The following USP24 variants were observed in gnomAD, a reference collection of about 807,000 sequenced individuals.
USP24 encodes ubiquitin carboxyl-terminal hydrolase 24.
Under a neutral mutation model 361.6 loss-of-function variants are expected in USP24, and 97 were observed. That is an observed-to-expected ratio of 0.27 (90% CI 0.23 to 0.32). The LOEUF (loss-of-function observed/expected upper bound fraction) is 0.32, where lower values mean the gene tolerates loss of function less well. USP24 is among the 10% of genes least tolerant of loss of function. The pLI, the probability that USP24 is intolerant of heterozygous loss-of-function variation, is 1.00. For missense variants in USP24, 2,353 were observed against 3,165.6 expected (o/e 0.74, Z 6.16); for synonymous variants, 1,098 against 1,124.6 (o/e 0.98, Z 0.47).
intron 42 of USP24, among the ~76,000 whole-genome samples, chr1:55,102,522 C>T (rs572865963): frequency 2.0e-5 from 3 of 152,274 alleles, no homozygotes; most frequent in African/African-American, 7.2e-5. Flanking sequence ...TAAGTATCTG[C>T]ATCCATGTAA....
At chr1:55,083,395 T>C (rs1187220359) in intron 57 of USP24, 31 bp from the exon 58 acceptor site, 8 of 1,608,622 alleles carry the variant, frequency 5.0e-6, no homozygotes, top group Non-Finnish European at 6.8e-6. Context: ...TAACAAATTA[T>C]ATTTCTATCC....
chr1:55,183,015 G>C (rs12143028), intron 1 of USP24, among the ~76,000 whole-genome samples: 15,230 of 152,056 alleles, frequency 0.1, 1,036 homozygotes, highest in Middle Eastern at 0.26. Flanking sequence ...CACCGTGCCT[G>C]GCCAAAAAAC....
intron 1 of USP24, among the ~76,000 whole-genome samples, chr1:55,199,128 A>G (rs1644494053): frequency 6.6e-6 from 1 of 152,010 alleles, no homozygotes; most frequent in Non-Finnish European, 1.5e-5. Context: ...GTCTCTATTA[A>G]AAATACAAAA....
At chr1:55,143,590 C>A (rs1487876795) in intron 21 of USP24, among the ~76,000 whole-genome samples, 1 of 151,902 alleles carries the variant, frequency 6.6e-6, no homozygotes, top group African/African-American at 2.4e-5. Context: ...CCCAGGAAGC[C>A]ATGTCCTGAA....
chr1:55,189,409 A>G (rs1367793358), intron 1 of USP24, among the ~76,000 whole-genome samples: 1 of 152,242 alleles, frequency 6.6e-6, no homozygotes, highest in Non-Finnish European at 1.5e-5. Context: ...TTCCACAAAA[A>G]TAAGTTCTGA....
chr1:55,114,292 A>G (rs1246492455), intron 38 of USP24, among the ~76,000 whole-genome samples: 3 of 152,226 alleles, frequency 2.0e-5, no homozygotes, highest in Non-Finnish European at 4.4e-5. Flanking sequence ...AGGAAGAATC[A>G]ATGTTGTGAA....
intron 52 of USP24, among the ~76,000 whole-genome samples, chr1:55,093,356 T>C: frequency 6.6e-6 from 1 of 152,252 alleles, no homozygotes; most frequent in East Asian, 1.9e-4. Context: ...AATTAGTGTA[T>C]AAAGTCTGGA....
Position 55,147,737 on chromosome 1 carries a change from A to G in USP24, c.2030T>C (p.Ile677Thr), listed in dbSNP as rs752005825. 4.3e-6 allele frequency: 7 copies of G among 1,612,888 alleles called. No individual in the cohort carries two copies. In the South Asian group the frequency reaches 7.7e-5, roughly 18 times the overall value. ...AGCAGCTGCAAGCCGATGACAAGCG[A>G]TCAAACTTCCCGTTACCAATTTCAC... ...EIVKLVTGSL[I>T]ACHRLAAAVA... Residue 677 changes from isoleucine (I) to threonine (T), a missense_variant, in exon 18 of 68, where the codon ATC (isoleucine) becomes ACC (threonine). By Grantham distance (89) the Ile-to-Thr change is moderately conservative. Coordinates refer to ENST00000294383, the MANE Select transcript of USP24 (RefSeq NM_015306.3).
chr1:55,071,623 G>A, intron 67 of USP24, 191 bp downstream of exon 67: 9 of 1,142,598 alleles, frequency 7.9e-6, no homozygotes, highest in Non-Finnish European at 1.1e-5. Context: ...TCACACTGCA[G>A]CACTACTCAG....
intron 43 of USP24, 69 bp downstream of exon 43, chr1:55,101,515 C>T: frequency 1.2e-5 from 19 of 1,542,288 alleles, no homozygotes; most frequent in Non-Finnish European, 1.7e-5. Context: ...CAATAAAAAA[C>T]TATGAAACAA....
At chr1:55,181,704 G>C (rs1456431134) in intron 1 of USP24, among the ~76,000 whole-genome samples, 1 of 152,164 alleles carries the variant, frequency 6.6e-6, no homozygotes, top group Non-Finnish European at 1.5e-5. Context: ...AATGTACTCA[G>C]TAGATGTAAA....
chr1:55,167,595 G>C (rs1186548925), intron 5 of USP24, among the ~76,000 whole-genome samples: 1 of 152,142 alleles, frequency 6.6e-6, no homozygotes, highest in East Asian at 1.9e-4. Context: ...AGATGAATGG[G>C]AGAATGAGAC....
chr1:55,092,459 G>T (rs1285297721), intron 53 of USP24, among the ~76,000 whole-genome samples: 1 of 152,198 alleles, frequency 6.6e-6, no homozygotes, highest in African/African-American at 2.4e-5. Context: ...AGGAAAAGTA[G>T]TTGAAAGTTA....
chr1:55,074,101 TATG>T (rs1391004779), intron 63 of USP24, among the ~76,000 whole-genome samples, 195 bp from the exon 64 acceptor site: 7 of 87,570 alleles, frequency 8.0e-5, no homozygotes, highest in Non-Finnish European at 1.3e-4. Context: ...CTACTTTAAG[TATG>T]TTTAAAAAAA....
chr1:55,120,696 G>C lies in USP24; in HGVS notation c.4408C>G (p.Pro1470Ala). Reference protein sequence around the residue: ...TLSQTDTSAHPDVQKPNQFLL... With the variant: ...TLSQTDTSAHADVQKPNQFLL... ...AACTGATTTGGCTTCTGCACATCTGGATGCGCTGATGTGTCTGTCTGACTA... is the reference window on the plus strand; with the variant it reads ...AACTGATTTGGCTTCTGCACATCTGCATGCGCTGATGTGTCTGTCTGACTA... Residue 1470 changes from proline to alanine, a missense_variant, in exon 38 of 68, where the codon CCA becomes GCA. Physicochemically the swap from Pro to Ala is conservative, Grantham distance 27. Around this residue, in one of 8 missense-constraint regions of USP24, gnomAD observed 949 missense variants for 1,280.5 expected, o/e 0.74. Transcript: ENST00000294383. 1 of 1,573,042 alleles carries C rather than the reference G, an allele frequency of 6.4e-7. No homozygotes were observed. The highest frequency in any genetic ancestry group is 8.6e-7 in the Non-Finnish European group (1 of 1,158,022).
Position 55,096,990 on chromosome 1 carries a change from T to G in USP24, c.5898A>C (p.Ala1966=), listed in dbSNP as rs772737134. The G allele has an allele frequency of 8.1e-6, 13 of 1,613,798 alleles. No homozygotes were observed. Among genetic ancestry groups the G allele is most frequent in the Non-Finnish European group, 1.1e-5 (13 of 1,179,872 alleles). ...LVGVIVHSGQ[A]HAGHYYSFIK... Reference sequence around the variant, plus strand: ...TGAAGGAATAGTAGTGGCCTGCGTGTGCCTGCCCACTGTGTACGATGACAC... The same window carrying G: ...TGAAGGAATAGTAGTGGCCTGCGTGGGCCTGCCCACTGTGTACGATGACAC... Residue 1966 remains alanine (A), a synonymous_variant, in exon 49 of 68, where the codon GCA becomes GCC. Transcript: ENST00000294383.
rs748267511 is a variant in USP24 at position 55,171,665 on chromosome 1, T to C, written c.716A>G (p.Asp239Gly). The C allele has an allele frequency of 6.2e-7, 1 of 1,604,224 alleles. No individual in the cohort carries two copies. Among genetic ancestry groups the C allele is most frequent in the Admixed American group, 1.7e-5 (1 of 58,808 alleles). ...LGVLTMAFNP[D>G]NEYHFKNRMK... The stretch of plus-strand genomic sequence containing the variant: ...TCTGTTTTTAAAATGGTATTCATTA[T>C]CAGGATTGAAAGCCTAGATTCAAAG... The change falls in exon 5 of 68, where the codon GAT (aspartate) becomes GGT (glycine). Residue 239 changes from aspartate to glycine, a missense_variant. This residue lies in a region of USP24 where 386 missense variants were observed against 560.5 expected (regional missense o/e 0.69). Coordinates refer to ENST00000294383, the MANE Select transcript of USP24 (RefSeq NM_015306.3).
chr1:55,100,370 C>A (rs1212496646), intron 44 of USP24, among the ~76,000 whole-genome samples: 1 of 152,024 alleles, frequency 6.6e-6, no homozygotes, highest in Non-Finnish European at 1.5e-5. Context: ...GGGGTGCATG[C>A]CTGTAATCCC....
Position 55,147,678 on chromosome 1 carries a change from G to A in USP24, c.2089C>T (p.Leu697=), listed in dbSNP as rs774438306. 6.2e-7 allele frequency: 1 copy of A among 1,610,450 alleles called. No individual in the cohort carries two copies. The highest frequency in any genetic ancestry group is 1.1e-5 in the South Asian group (1 of 90,596). Residue 697 remains leucine, a synonymous_variant, in exon 18 of 68, where the codon CTA becomes TTA. Coordinates refer to ENST00000294383, the MANE Select transcript of USP24 (RefSeq NM_015306.3). The part of the protein sequence containing the change: ...AGPGGLSGST[L]VDGRYTYREY... Reference sequence around the variant, plus strand: ...CGGTAAGTGTACCGGCCATCCACTAGTGTCGAGCCACTTAAGCCTCCAGGC... The same window carrying A: ...CGGTAAGTGTACCGGCCATCCACTAATGTCGAGCCACTTAAGCCTCCAGGC...
Sources: gnomAD v4.1 joint callset for allele counts (sites outside exome capture counted in the v4.1 genomes callset) on GRCh38, gnomAD v4.1.1 for gene constraint, gnomAD v4.1.1 regional missense constraint, MANE v1.5 for transcripts, NCBI Gene and HGNC (gene_info 2026-07-23, HGNC 2026-07-21) for gene names.